Variants in EXOC4 observed in about 807,000 individuals in gnomAD.
EXOC4 encodes SEC8-like 1.
In EXOC4, 71 loss-of-function variants were observed where a neutral mutation model predicts 107.2. That is an observed-to-expected ratio of 0.66 (90% CI 0.55 to 0.81). The LOEUF (loss-of-function observed/expected upper bound fraction) is 0.81, where lower values mean the gene tolerates loss of function less well. EXOC4 is among the 30% of genes least tolerant of loss of function. The pLI, the probability that EXOC4 is intolerant of heterozygous loss-of-function variation, is 0.00. For synonymous variants in EXOC4, 456 were observed against 441.2 expected, an observed-to-expected ratio of 1.03 and a Z score of -0.42; for missense variants, 1,108 against 1,189.6, an observed-to-expected ratio of 0.93 and a Z score of 1.01.
At chr7:133,343,691 G>A (rs759249060) in intron 5 of EXOC4, among the ~76,000 whole-genome samples, 2 of 151,666 alleles carry the variant, frequency 1.3e-5, no homozygotes, top group Non-Finnish European at 2.9e-5. Context: ...GCTCAAGGTG[G>A]CTTTTCGCAT....
intron 9 of EXOC4, among the ~76,000 whole-genome samples, chr7:133,493,614 C>T (rs559714337): frequency 1.3e-5 from 2 of 152,154 alleles, no homozygotes; most frequent in African/African-American, 4.8e-5. Context: ...CAAGTAAGTT[C>T]TAGTAGTATC....
At chr7:133,845,335 A>AGTGTGTGTGTGTGTGTGTGTGTGT (rs34845137) in intron 11 of EXOC4, among the ~76,000 whole-genome samples, 27 of 138,012 alleles carry the variant, frequency 2.0e-4, no homozygotes, top group African/African-American at 7.4e-4. Context: ...GCAGGTTAGT[A>AGTGTGTGTGTGTGTGTGTGTGTGT]GTGTGTGTGT....
chr7:133,607,056 GT>G (rs1801966379), intron 9 of EXOC4, among the ~76,000 whole-genome samples: 1 of 152,150 alleles, frequency 6.6e-6, no homozygotes, highest in Non-Finnish European at 1.5e-5. Context: ...TATTTTCCGA[GT>G]TTTGGCAAGC....
At chr7:134,000,083 T>C (rs567610284) in intron 15 of EXOC4, among the ~76,000 whole-genome samples, 1 of 152,320 alleles carries the variant, frequency 6.6e-6, no homozygotes, top group South Asian at 2.1e-4. Flanking sequence ...CATGGGATTT[T>C]TTTAAATTAA....
chr7:133,276,965 ATT>A (rs547397967), intron 2 of EXOC4, among the ~76,000 whole-genome samples: 3 of 145,340 alleles, frequency 2.1e-5, no homozygotes, highest in Admixed American at 6.9e-5. Context: ...TTAACTGGGC[ATT>A]TTTTTTTTTT....
intron 10 of EXOC4, among the ~76,000 whole-genome samples, chr7:133,742,358 A>C (rs1427854822): frequency 6.6e-6 from 1 of 152,180 alleles, no homozygotes; most frequent in Non-Finnish European, 1.5e-5. Context: ...GCTTTAAAAG[A>C]TACAGTAAAA....
intron 6 of EXOC4, among the ~76,000 whole-genome samples, chr7:133,364,924 G>A (rs1796218514): frequency 6.6e-6 from 1 of 152,282 alleles, no homozygotes; most frequent in South Asian, 2.1e-4. Context: ...CACCATGTAA[G>A]TTTGCTTTCT....
intron 17 of EXOC4, among the ~76,000 whole-genome samples, chr7:134,016,820 A>G (rs963618152): frequency 3.3e-5 from 5 of 152,224 alleles, no homozygotes; most frequent in African/African-American, 1.2e-4. Flanking sequence ...ATTTGGAATG[A>G]CCAAAGTGTA....
chr7:133,526,012 G>A (rs1027910928), intron 9 of EXOC4, among the ~76,000 whole-genome samples: 1 of 152,142 alleles, frequency 6.6e-6, no homozygotes, highest in Non-Finnish European at 1.5e-5. Context: ...GAGAGACTGC[G>A]ATTTGCCTTT....
At chr7:133,370,129 C>T (rs1796341180) in intron 6 of EXOC4, among the ~76,000 whole-genome samples, 2 of 135,414 alleles carry the variant, frequency 1.5e-5, no homozygotes, top group Non-Finnish European at 3.2e-5. Flanking sequence ...ATTCTCTCTC[C>T]CCCCCGCCCA....
chr7:133,731,216 A>T (rs1286123979), intron 10 of EXOC4, among the ~76,000 whole-genome samples: 1 of 152,162 alleles, frequency 6.6e-6, no homozygotes, highest in Non-Finnish European at 1.5e-5. Flanking sequence ...TGTTTTAACC[A>T]TTTAAGTGTA....
At chr7:133,619,790 A>G (rs189665682) in intron 9 of EXOC4, among the ~76,000 whole-genome samples, 1 of 152,308 alleles carries the variant, frequency 6.6e-6, no homozygotes, top group Admixed American at 6.5e-5. Flanking sequence ...GATAGCACAG[A>G]TACTTTCCTA....
chr7:133,849,228 C>G (rs1798194122), intron 11 of EXOC4, among the ~76,000 whole-genome samples: 2 of 152,110 alleles, frequency 1.3e-5, no homozygotes, highest in Admixed American at 6.6e-5. Context: ...TGAGACCAGC[C>G]TGGGCAGCAT....
At chr7:133,452,185 G>C (rs1295832394) in intron 7 of EXOC4, among the ~76,000 whole-genome samples, 1 of 152,146 alleles carries the variant, frequency 6.6e-6, no homozygotes, top group Non-Finnish European at 1.5e-5. Context: ...AATAAAAGCA[G>C]AGAGGAGGGA....
intron 11 of EXOC4, among the ~76,000 whole-genome samples, chr7:133,823,860 TA>T (rs1437304395): frequency 5.4e-4 from 10 of 18,564 alleles, no homozygotes; most frequent in South Asian, 2.6e-3. Context: ...TATATATATA[TA>T]TATATATATA....
chr7:133,268,186 TAA>T (rs1417990085), intron 1 of EXOC4, among the ~76,000 whole-genome samples: 2 of 152,202 alleles, frequency 1.3e-5, no homozygotes, highest in Non-Finnish European at 2.9e-5. Context: ...CCAGAAAAGT[TAA>T]GTCACTTACC....
rs996647546 is a variant in EXOC4, at chr7:133,749,959, T to G, written c.1515-67366T>G. Among the ~76,000 whole-genome samples, 116 of 120,644 alleles carry G rather than the reference T, an allele frequency of 9.6e-4. 1 individual carries two copies. The highest frequency in any genetic ancestry group is 2.1e-3 in the South Asian group (8 of 3,838). 79.1% of individuals were successfully genotyped at this position (120,644 alleles called of 152,430 possible). A position where few individuals can be genotyped will look rare whatever the true frequency, so the allele number is the denominator to read the frequency against. On this transcript the variant is annotated intron_variant, in intron 10 of 17. Transcript: ENST00000253861. ...GCTTCCTAAAGGTGGTTGGCAGTTTTTTTTTTTTTTTTTTTTTTTTTTTTT... is the reference window on the plus strand; with the variant it reads ...GCTTCCTAAAGGTGGTTGGCAGTTTGTTTTTTTTTTTTTTTTTTTTTTTTT...
intron 9 of EXOC4, among the ~76,000 whole-genome samples, chr7:133,629,308 C>G (rs1802529643): frequency 6.6e-6 from 1 of 152,022 alleles, no homozygotes; most frequent in South Asian, 2.1e-4. Flanking sequence ...ATATGAATCT[C>G]TGCTCCAATC....
intron 10 of EXOC4, among the ~76,000 whole-genome samples, chr7:133,775,824 T>C (rs934284510): frequency 6.6e-6 from 1 of 152,212 alleles, no homozygotes; most frequent in Non-Finnish European, 1.5e-5. Context: ...TGTGGGATGT[T>C]CTTCTGTCTA....
Sources: allele counts gnomAD v4.1 joint callset (sites outside exome capture counted in the v4.1 genomes callset), GRCh38; gene constraint gnomAD v4.1.1; transcripts MANE v1.5; gene names NCBI Gene and HGNC (gene_info 2026-07-23, HGNC 2026-07-21).